The following NUFIP1 variants were observed in gnomAD, a reference collection of about 807,000 sequenced individuals.
NUFIP1 encodes the protein nuclear FMR1 interacting protein 1.
Under a neutral mutation model 56.2 loss-of-function variants are expected in NUFIP1, and 38 were observed. The ratio of observed to expected loss-of-function variants is 0.68; its 90% confidence interval spans 0.52 to 0.89. NUFIP1 has a LOEUF of 0.89. Among genes scored for constraint, NUFIP1 ranks in the 40% least tolerant of loss-of-function variants. The probability of loss-of-function intolerance (pLI) is 0.00; values close to 1 mark genes in which losing one functional copy is unlikely to be tolerated. For missense variants in NUFIP1, 567 were observed against 605.8 expected (o/e 0.94, Z 0.67); for synonymous variants, 215 against 212.4 (o/e 1.01, Z -0.10).
chr13:44,948,936 G>A (rs1446102711), intron 8 of NUFIP1, among the ~76,000 whole-genome samples: 1 of 152,068 alleles, frequency 6.6e-6, no homozygotes, highest in Non-Finnish European at 1.5e-5. Flanking sequence ...CAAGTATAAG[G>A]TTGTTGTGTT....
chr13:44,965,969 C>A, intron 5 of NUFIP1, 33 bp from the exon 6 acceptor site: 1 of 1,284,324 alleles, frequency 7.8e-7, no homozygotes, highest in South Asian at 1.4e-5. Flanking sequence ...TATAATAGGG[C>A]TTTTAGAGTA....
At chr13:44,981,053 A>G (rs1872171739) in intron 2 of NUFIP1, among the ~76,000 whole-genome samples, 1 of 152,230 alleles carries the variant, frequency 6.6e-6, no homozygotes, top group Non-Finnish European at 1.5e-5. Flanking sequence ...TTTTTAATCC[A>G]AATAGTGCTA....
At chr13:44,988,085 C>T (rs115679896) in intron 1 of NUFIP1, among the ~76,000 whole-genome samples, 234 of 152,342 alleles carry the variant, frequency 1.5e-3, no homozygotes, top group African/African-American at 5.3e-3. Context: ...AAAGTCTTCG[C>T]TCATATGTCA....
intron 6 of NUFIP1, 118 bp from the exon 7 acceptor site, chr13:44,959,692 G>C: frequency 1.3e-6 from 1 of 753,424 alleles, no homozygotes; most frequent in South Asian, 2.0e-5. Flanking sequence ...TTGTAGCCTA[G>C]TACATTAAAG....
intron 8 of NUFIP1, among the ~76,000 whole-genome samples, 156 bp downstream of exon 8, chr13:44,949,566 C>G (rs148776000): frequency 2.4e-4 from 37 of 152,302 alleles, no homozygotes; most frequent in Admixed American, 9.2e-4. Flanking sequence ...CTCCAGAGTT[C>G]CTTTAACCCA....
intron 6 of NUFIP1, among the ~76,000 whole-genome samples, chr13:44,963,822 C>A (rs1871505110): frequency 6.6e-6 from 1 of 152,134 alleles, no homozygotes; most frequent in Non-Finnish European, 1.5e-5. Context: ...TTTCACTTTA[C>A]ATATTTTAAA....
intron 8 of NUFIP1, among the ~76,000 whole-genome samples, chr13:44,949,287 C>T (rs1405759475): frequency 6.8e-6 from 1 of 146,222 alleles, no homozygotes; most frequent in Non-Finnish European, 1.5e-5. Flanking sequence ...CTGCAAGCTC[C>T]GCCTCCCGGG....
At chr13:44,977,190 C>T (rs1221346741) in intron 5 of NUFIP1, among the ~76,000 whole-genome samples, 1 of 152,252 alleles carries the variant, frequency 6.6e-6, no homozygotes, top group East Asian at 1.9e-4. Context: ...ATATGTATTT[C>T]TCACATACTA....
At chr13:44,980,143 A>G (rs1193028655) in intron 3 of NUFIP1, among the ~76,000 whole-genome samples, 191 bp from the exon 4 acceptor site, 1 of 152,250 alleles carries the variant, frequency 6.6e-6, no homozygotes, top group Non-Finnish European at 1.5e-5. Flanking sequence ...CTCTCAGAGT[A>G]TGTGGCACAA....
chr13:44,954,362 T>C (rs753887508), intron 7 of NUFIP1, among the ~76,000 whole-genome samples: 32 of 152,142 alleles, frequency 2.1e-4, no homozygotes, highest in Non-Finnish European at 4.3e-4. Flanking sequence ...TAAAAAAATC[T>C]AATGCAATGA....
intron 7 of NUFIP1, among the ~76,000 whole-genome samples, chr13:44,953,791 T>TA (rs1454968692): frequency 6.6e-6 from 1 of 152,176 alleles, no homozygotes; most frequent in Non-Finnish European, 1.5e-5. Context: ...AAACCACAAT[T>TA]AGAGTGCTAG....
intron 5 of NUFIP1, among the ~76,000 whole-genome samples, chr13:44,968,270 T>C (rs901823603): frequency 3.3e-5 from 5 of 152,008 alleles, no homozygotes; most frequent in African/African-American, 1.2e-4. Context: ...AAAGCAAACA[T>C]AATCTAAGGT....
At chr13:44,984,989 T>C (rs1872332480) in intron 1 of NUFIP1, among the ~76,000 whole-genome samples, 1 of 152,376 alleles carries the variant, frequency 6.6e-6, no homozygotes, top group South Asian at 2.1e-4. Flanking sequence ...AATAGTTTAC[T>C]GAGAATGATG....
chr13:44,966,609 C>A (rs369776949), intron 5 of NUFIP1, among the ~76,000 whole-genome samples: 74 of 152,140 alleles, frequency 4.9e-4, no homozygotes, highest in African/African-American at 1.7e-3. Context: ...ACCATCACGC[C>A]CGGCCAAGTC....
At chr13:44,959,612 A>C in intron 6 of NUFIP1, 38 bp from the exon 7 acceptor site, 1 of 1,551,158 alleles carries the variant, frequency 6.4e-7, no homozygotes, top group Non-Finnish European at 8.7e-7. Flanking sequence ...TATAAAAGGC[A>C]CTGACCTTCC....
Position 44,939,258 on chromosome 13 carries a change from A to C in NUFIP1, c.*1948T>G, listed in dbSNP as rs190309367. ...AAGTAAGACAGCCAGGAATAGTCCA[A>C]ATGTTTTAATAATCTCAATTAATAT... On this transcript the variant is annotated 3_prime_UTR_variant, in exon 10 of 10. Transcript: ENST00000379161. 20 of 152,364 alleles carry C rather than the reference A, an allele frequency of 1.3e-4. No homozygotes were observed. Among genetic ancestry groups the C allele is most frequent in the Non-Finnish European group, 2.4e-4 (16 of 68,034 alleles). The allele number at this position is 152,364 out of a possible 1,614,324, so 9.4% of individuals were successfully genotyped here.
At chr13:44,969,413 G>GA (rs554683888) in intron 5 of NUFIP1, among the ~76,000 whole-genome samples, 281 of 152,168 alleles carry the variant, frequency 1.8e-3, no homozygotes, top group African/African-American at 6.6e-3. Context: ...AAAGACTATT[G>GA]AAAAAACATA....
At chr13:44,952,326 T>C (rs1169859119) in intron 7 of NUFIP1, among the ~76,000 whole-genome samples, 2 of 152,188 alleles carry the variant, frequency 1.3e-5, no homozygotes, top group Non-Finnish European at 2.9e-5. Context: ...AGTTTCACCC[T>C]GTTGGCCAGG....
intron 8 of NUFIP1, among the ~76,000 whole-genome samples, chr13:44,945,212 T>C (rs1191796499): frequency 6.6e-6 from 1 of 151,980 alleles, no homozygotes; most frequent in Non-Finnish European, 1.5e-5. Context: ...ATCCTACAGA[T>C]ATCACAGGAA....
Sources: gnomAD v4.1 joint callset for allele counts (sites outside exome capture counted in the v4.1 genomes callset) on GRCh38, gnomAD v4.1.1 for gene constraint, MANE v1.5 for transcripts, NCBI Gene and HGNC (gene_info 2026-07-23, HGNC 2026-07-21) for gene names.